CPED1: variants seen among roughly 807,000 people sequenced by gnomAD.
CPED1 encodes cadherin like and PC-esterase domain containing 1, also known as cadherin-like and PC-esterase domain-containing protein 1.
CPED1 carries 114 observed loss-of-function variants against 128.2 expected under a neutral mutation model. The ratio of observed to expected loss-of-function variants is 0.89; its 90% CI spans 0.76 to 1.04. The LOEUF is 1.04. CPED1 is among the 50% of genes least tolerant of loss of function. The pLI, the probability that CPED1 is intolerant of heterozygous loss-of-function variation, is 0.00. For synonymous variants in CPED1, 462 were observed against 426.7 expected, an observed-to-expected ratio of 1.08 and a Z score of -1.02; for missense variants, 1,211 against 1,207.1, an observed-to-expected ratio of 1.00 and a Z score of -0.05.
At chr7:121,275,590 A>G (rs926124352) in intron 22 of CPED1, among the ~76,000 whole-genome samples, 1 of 152,166 alleles carries the variant, frequency 6.6e-6, no homozygotes, top group African/African-American at 2.4e-5. Flanking sequence ...AGTCTAATCA[A>G]TTATGCAGAC....
chr7:121,109,501 C>CAT, intron 7 of CPED1, among the ~76,000 whole-genome samples: 1 of 152,276 alleles, frequency 6.6e-6, no homozygotes, highest in South Asian at 2.1e-4. Context: ...CCTTTATTTA[C>CAT]ATATATATCC....
chr7:121,063,434 G>C (rs977212647), intron 4 of CPED1, among the ~76,000 whole-genome samples: 6 of 136,790 alleles, frequency 4.4e-5, no homozygotes, highest in Non-Finnish European at 9.2e-5. Flanking sequence ...TGCCCGAAGC[G>C]AGCTACCACC....
chr7:121,264,974 T>C (rs1239830624), intron 18 of CPED1, among the ~76,000 whole-genome samples: 1 of 151,972 alleles, frequency 6.6e-6, no homozygotes, highest in Admixed American at 6.6e-5. Flanking sequence ...TTATGAGGCT[T>C]CTGTAAAATC....
At chr7:121,095,897 C>A (rs1034870557) in intron 5 of CPED1, among the ~76,000 whole-genome samples, 1 of 152,030 alleles carries the variant, frequency 6.6e-6, no homozygotes, top group African/African-American at 2.4e-5. Flanking sequence ...AGAGGGAAAT[C>A]AGAGTAAATT....
chr7:121,072,527 C>A (rs1281279001), intron 5 of CPED1, among the ~76,000 whole-genome samples: 1 of 151,938 alleles, frequency 6.6e-6, no homozygotes, highest in Admixed American at 6.6e-5. Context: ...GTAGAGGAAC[C>A]CTGTACCTCC....
chr7:121,114,794 G>T (rs780588976), intron 7 of CPED1, among the ~76,000 whole-genome samples: 2 of 152,198 alleles, frequency 1.3e-5, no homozygotes, highest in African/African-American at 2.4e-5. Flanking sequence ...TTTAAAAAAA[G>T]TTTAAGAATT....
chr7:121,214,196 G>T (rs1379985735), intron 16 of CPED1, among the ~76,000 whole-genome samples: 1 of 152,046 alleles, frequency 6.6e-6, no homozygotes, highest in African/African-American at 2.4e-5. Flanking sequence ...GATAGTGTTT[G>T]CTGGGTTTCT....
intron 21 of CPED1, among the ~76,000 whole-genome samples, chr7:121,267,811 T>A (rs916115829): frequency 2.0e-5 from 3 of 152,104 alleles, no homozygotes; most frequent in African/African-American, 7.2e-5. Context: ...GCAGCCAGCA[T>A]TATTGGGCAA....
chr7:121,047,866 G>A (rs1348113480), intron 4 of CPED1, among the ~76,000 whole-genome samples: 1 of 151,646 alleles, frequency 6.6e-6, no homozygotes, highest in Non-Finnish European at 1.5e-5. Flanking sequence ...TCCCACGCCC[G>A]GCTAATTTTT....
chr7:121,055,503 A>T (rs1375768722), intron 4 of CPED1, among the ~76,000 whole-genome samples: 6 of 151,744 alleles, frequency 4.0e-5, no homozygotes, highest in Non-Finnish European at 8.8e-5. Context: ...AGTTAATCAC[A>T]CTAAATGTGG....
intron 2 of CPED1, among the ~76,000 whole-genome samples, chr7:120,997,055 T>A (rs1027385908): frequency 6.6e-6 from 1 of 152,196 alleles, no homozygotes; most frequent in African/African-American, 2.4e-5. Context: ...CTCCCACATC[T>A]CTCCTTCTGT....
chr7:121,237,159 G>A (rs956697355), intron 17 of CPED1, among the ~76,000 whole-genome samples: 4 of 151,940 alleles, frequency 2.6e-5, no homozygotes, highest in African/African-American at 4.8e-5. Flanking sequence ...ATTTTCTTCC[G>A]TAGCAGTTAC....
At chr7:121,234,833 T>C (rs554264534) in intron 16 of CPED1, among the ~76,000 whole-genome samples, 10 of 152,258 alleles carry the variant, frequency 6.6e-5, no homozygotes, top group African/African-American at 2.2e-4. Context: ...GTATTTCAGA[T>C]AGCATGAATT....
chr7:121,066,733 C>T (rs1005723301), intron 5 of CPED1, among the ~76,000 whole-genome samples: 1 of 152,096 alleles, frequency 6.6e-6, no homozygotes, highest in Admixed American at 6.6e-5. Flanking sequence ...GGTAAGCCAA[C>T]TATCAGCACA....
chr7:121,276,012 A>G (rs1792323422), intron 22 of CPED1, among the ~76,000 whole-genome samples: 2 of 151,936 alleles, frequency 1.3e-5, no homozygotes, highest in Non-Finnish European at 2.9e-5. Flanking sequence ...TAGCTGATAT[A>G]GAAGAACCCA....
At chr7:121,107,252 A>T (rs1173280587) in intron 7 of CPED1, among the ~76,000 whole-genome samples, 1 of 152,130 alleles carries the variant, frequency 6.6e-6, no homozygotes, top group Non-Finnish European at 1.5e-5. Flanking sequence ...TATCCCTAAG[A>T]CTTTAACAAC....
chr7:121,285,321 G>T (rs1792542866), intron 22 of CPED1, among the ~76,000 whole-genome samples: 2 of 152,102 alleles, frequency 1.3e-5, no homozygotes, highest in African/African-American at 4.8e-5. Context: ...GTGATGGGAG[G>T]GGCTGCCATG....
intron 18 of CPED1, among the ~76,000 whole-genome samples, chr7:121,256,142 C>CAAAAAAAA (rs60327976): frequency 2.9e-5 from 2 of 69,738 alleles, no homozygotes; most frequent in African/African-American, 9.3e-5. Flanking sequence ...AAAAAAAAAA[C>CAAAAAAAA]AAAGCTTATG....
intron 14 of CPED1, among the ~76,000 whole-genome samples, chr7:121,139,516 C>T (rs2116361686): frequency 6.6e-6 from 1 of 151,832 alleles, no homozygotes; most frequent in East Asian, 1.9e-4. Context: ...TTTGGTGGTG[C>T]ACCTCCACGT....
Sources: gnomAD v4.1 joint callset for allele counts (sites outside exome capture counted in the v4.1 genomes callset) on GRCh38, gnomAD v4.1.1 for gene constraint, MANE v1.5 for transcripts, NCBI Gene and HGNC (gene_info 2026-07-23, HGNC 2026-07-21) for gene names.